The following MACROH2A1 variants were observed in gnomAD, a reference collection of about 807,000 sequenced individuals.
MACROH2A1 encodes the protein macroH2A.1 histone.
In MACROH2A1, 2 loss-of-function variants were observed where a neutral mutation model predicts 31.6. The observed-to-expected ratio is 0.06, with a 90% CI of 0.03 to 0.20. The LOEUF is 0.20. MACROH2A1 is among the 10% of genes least tolerant of loss of function. The pLI is 1.00. For missense variants in MACROH2A1, 230 were observed against 474.0 expected, an observed-to-expected ratio of 0.49 and a Z score of 4.78; for synonymous variants, 169 against 189.6, an observed-to-expected ratio of 0.89 and a Z score of 0.89.
chr5:135,342,507 C>G (rs1760062644), intron 8 of MACROH2A1, among the ~76,000 whole-genome samples: 1 of 152,198 alleles, frequency 6.6e-6, no homozygotes, highest in African/African-American at 2.4e-5. Flanking sequence ...GGGGGTTGCC[C>G]TGAGCCCTAC....
intron 6 of MACROH2A1, chr5:135,350,996 G>A: frequency 1.1e-6 from 1 of 915,778 alleles, no homozygotes; most frequent in Admixed American, 2.0e-5. Flanking sequence ...CCAATGGCAG[G>A]GCTGGCCTAC....
chr5:135,390,080 T>TA lies in MACROH2A1; in HGVS notation c.-33-955dup, dbSNP rs528005312. Among the ~76,000 whole-genome samples, 5 of 152,386 alleles carry TA rather than the reference T, an allele frequency of 3.3e-5. No homozygotes were observed. The East Asian group carries it at 9.6e-4, about 29-fold the overall frequency. On this transcript the variant is annotated intron_variant, in intron 1 of 8. Coordinates refer to ENST00000511689, the MANE Select transcript of MACROH2A1 (RefSeq NM_138610.3). ...GCTTTGCCTTGGGCCACCTGTGGTC[T>TA]AAACTAGCAAACAGGGAGCCACACA...
chr5:135,369,635 G>C lies in MACROH2A1; in HGVS notation c.280-32C>G, dbSNP rs1244566917. 6.5e-7 allele frequency: 1 copy of C among 1,549,876 alleles called. No homozygotes were observed. The highest frequency in any genetic ancestry group is 8.9e-7 in the Non-Finnish European group (1 of 1,123,140). ...GGAAAACCAGAATAGCAGATAGTGA[G>C]CCAGATACCCTGCTTCTAACCTTCA... On this transcript the variant is annotated intron_variant, in intron 3 of 8. Coordinates refer to ENST00000511689, the MANE Select transcript of MACROH2A1 (RefSeq NM_138610.3). This position sits in a 1 kb window ranked among gnomAD's most constrained non-coding sequence, Gnocchi z 4.3.
chr5:135,340,089 G>C lies in MACROH2A1; in HGVS notation c.953+3171C>G, dbSNP rs373285069. On this transcript the variant is annotated intron_variant, in intron 8 of 8. Transcript: ENST00000511689. ...GCAGGCAGGGGGCAGTCCTATGGTG[G>C]GATGAGGTGGTGGGACCTGGGGTCT... Among the ~76,000 whole-genome samples, 31 of 152,276 alleles carry C rather than the reference G, an allele frequency of 2.0e-4. No individual in the cohort carries two copies. In the East Asian group the frequency reaches 4.8e-3, roughly 24 times the overall value.
chr5:135,364,645 G>A (rs1763267161), intron 4 of MACROH2A1, among the ~76,000 whole-genome samples: 1 of 152,166 alleles, frequency 6.6e-6, no homozygotes, highest in African/African-American at 2.4e-5. Flanking sequence ...AGAGTCAGCT[G>A]GGAGACATTT....
Position 135,369,641 on chromosome 5 carries a change from T to A in MACROH2A1, c.280-38A>T, listed in dbSNP as rs1220383591. The A allele has an allele frequency of 6.5e-7, 1 of 1,531,724 alleles. No individual in the cohort carries two copies. The highest frequency in any genetic ancestry group is 1.4e-5 in the African/African-American group (1 of 73,278). The allele number at this position is 1,531,724 out of a possible 1,614,324, so 94.9% of individuals were successfully genotyped here. A position where few individuals can be genotyped will look rare whatever the true frequency, so the allele number is the denominator to read the frequency against. On this transcript the variant is annotated intron_variant, in intron 3 of 8. Transcript: ENST00000511689. This position sits in a 1 kb window ranked among gnomAD's most constrained non-coding sequence, Gnocchi z 4.3. Reference sequence around the variant, plus strand: ...CCAGAATAGCAGATAGTGAGCCAGATACCCTGCTTCTAACCTTCAAGAAGC... The same window carrying A: ...CCAGAATAGCAGATAGTGAGCCAGAAACCCTGCTTCTAACCTTCAAGAAGC...
intron 8 of MACROH2A1, chr5:135,343,048 CTTAAGT>C: frequency 8.3e-7 from 1 of 1,203,210 alleles, no homozygotes; most frequent in South Asian, 1.6e-5. Context: ...GCTATCAAAA[CTTAAGT>C]TTTATATCAT....
chr5:135,391,136 A>G (rs1236273309), intron 1 of MACROH2A1, among the ~76,000 whole-genome samples: 1 of 152,242 alleles, frequency 6.6e-6, no homozygotes, highest in Non-Finnish European at 1.5e-5. Flanking sequence ...CACTCTGAGC[A>G]GGAAATGATA....
At chr5:135,348,932 G>C (rs1761187224) in intron 6 of MACROH2A1, among the ~76,000 whole-genome samples, 1 of 152,212 alleles carries the variant, frequency 6.6e-6, no homozygotes, top group African/African-American at 2.4e-5. Context: ...GAACATGTCA[G>C]AGGAAAAGCA....
intron 1 of MACROH2A1, among the ~76,000 whole-genome samples, chr5:135,393,730 T>C (rs1222295828): frequency 1.3e-5 from 2 of 152,244 alleles, no homozygotes; most frequent in Admixed American, 1.3e-4. Flanking sequence ...TGTTCATCAT[T>C]GCACATTAGC....
intron 8 of MACROH2A1, among the ~76,000 whole-genome samples, chr5:135,339,928 C>T (rs1759504405): frequency 2.0e-5 from 3 of 152,218 alleles, no homozygotes; most frequent in South Asian, 2.1e-4. Flanking sequence ...AAAAATTCTC[C>T]CCCATTCAAA....
chr5:135,378,258 T>G (rs1405111801), intron 2 of MACROH2A1, among the ~76,000 whole-genome samples: 1 of 152,226 alleles, frequency 6.6e-6, no homozygotes, highest in African/African-American at 2.4e-5. Flanking sequence ...GCTCTGCCAC[T>G]GCTACAGCAG....
In MACROH2A1 at chr5:135,360,571, C is replaced by T. The variant is rs761273750; in HGVS notation, c.514G>A (p.Asp172Asn). The T allele has an allele frequency of 3.1e-6, 5 of 1,614,012 alleles. No homozygotes were observed. Among genetic ancestry groups the T allele is most frequent in the Non-Finnish European group, 3.4e-6 (4 of 1,179,908 alleles). ...GCAGGTGTGCCCTCGGTTGTGCTGT[C>T]GGCGCTGGCTGCCTTACTGACTTCA... ...QGEVSKAASADSTTEGTPADG... is the reference protein window; with the variant it reads ...QGEVSKAASANSTTEGTPADG... The change falls in exon 5 of 9, where the codon GAC (aspartate) becomes AAC (asparagine). Residue 172 changes from aspartate (D) to asparagine (N), a missense_variant. Transcript: ENST00000511689.
chr5:135,388,778 G>T, intron 2 of MACROH2A1, 144 bp downstream of exon 2: 1 of 613,890 alleles, frequency 1.6e-6, no homozygotes, highest in Non-Finnish European at 2.7e-6. Flanking sequence ...GAATCTAGGT[G>T]AAAATGTTCC....
At chr5:135,379,505 A>G (rs1464478956) in intron 2 of MACROH2A1, among the ~76,000 whole-genome samples, 1 of 152,178 alleles carries the variant, frequency 6.6e-6, no homozygotes, top group Non-Finnish European at 1.5e-5. Flanking sequence ...GGAGGCTGAC[A>G]ATGATTAATA....
intron 1 of MACROH2A1, among the ~76,000 whole-genome samples, chr5:135,392,698 G>C (rs921733552): frequency 2.0e-5 from 3 of 152,198 alleles, no homozygotes; most frequent in African/African-American, 7.2e-5. Flanking sequence ...CCATGACAAG[G>C]GGGAGAGTGA....
chr5:135,350,645 T>G, intron 6 of MACROH2A1: 1 of 517,188 alleles, frequency 1.9e-6, no homozygotes, highest in South Asian at 2.8e-5. Context: ...ATGCATGACA[T>G]CCTGGCTGAC....
chr5:135,351,922 C>CT (rs150464921), intron 6 of MACROH2A1, among the ~76,000 whole-genome samples: 21,475 of 145,448 alleles, frequency 0.15, 2,535 homozygotes, highest in African/African-American at 0.33. Context: ...AGCTTGTGGC[C>CT]TTTTTTTTTT....
chr5:135,371,722 C>T (rs558802697), intron 2 of MACROH2A1, among the ~76,000 whole-genome samples: 1 of 152,290 alleles, frequency 6.6e-6, no homozygotes, highest in Admixed American at 6.5e-5. Context: ...GCAATTCTGC[C>T]CACACTGGGA....
Sources: allele counts gnomAD v4.1 joint callset (sites outside exome capture counted in the v4.1 genomes callset), GRCh38; gene constraint gnomAD v4.1.1; non-coding constraint Gnocchi (gnomAD v3.1); transcripts MANE v1.5; gene names NCBI Gene and HGNC (gene_info 2026-07-23, HGNC 2026-07-21).